MED12L: variants seen among roughly 807,000 people sequenced by gnomAD.
MED12L encodes mediator complex subunit 12L.
Under a neutral mutation model 281.3 loss-of-function variants are expected in MED12L, and 60 were observed. The ratio of observed to expected loss-of-function variants is 0.21; its 90% CI spans 0.17 to 0.26. The LOEUF (loss-of-function observed/expected upper bound fraction) is 0.26. MED12L is among the 10% of genes least tolerant of loss of function. The pLI is 1.00. For missense variants in MED12L, 2,146 were observed against 2,680.9 expected, an observed-to-expected ratio of 0.80 and a Z score of 4.41; for synonymous variants, 974 against 987.2, an observed-to-expected ratio of 0.99 and a Z score of 0.25.
intron 16 of MED12L, among the ~76,000 whole-genome samples, chr3:151,235,379 A>G (rs1732524809): frequency 6.6e-6 from 1 of 152,146 alleles, no homozygotes; most frequent in African/African-American, 2.4e-5. Context: ...TATTCCCTAT[A>G]GTGGGGTTGA....
At chr3:151,126,526 A>G (rs1261877676) in intron 4 of MED12L, among the ~76,000 whole-genome samples, 1 of 152,240 alleles carries the variant, frequency 6.6e-6, no homozygotes, top group African/African-American at 2.4e-5. Flanking sequence ...TGAATGGTCA[A>G]ATTTGTGACA....
chr3:151,141,201 G>GTTTTTT (rs1716973453), intron 5 of MED12L, among the ~76,000 whole-genome samples: 2 of 58,318 alleles, frequency 3.4e-5, no homozygotes, highest in Non-Finnish European at 6.4e-5. Flanking sequence ...TTTTTTTTTT[G>GTTTTTT]TTAGTAGAGA....
intron 16 of MED12L, among the ~76,000 whole-genome samples, chr3:151,285,210 C>G (rs531231148): frequency 6.6e-6 from 1 of 152,074 alleles, no homozygotes. Flanking sequence ...ACTGGCCGGA[C>G]GTGGTGGCTC....
At chr3:151,241,964 G>C (rs1365532360) in intron 16 of MED12L, 1 of 153,290 alleles carries the variant, frequency 6.5e-6, no homozygotes, top group Non-Finnish European at 1.5e-5. Context: ...CACTTGGGAA[G>C]CACAAGGGGT....
chr3:151,222,229 G>A (rs752379198), intron 16 of MED12L, among the ~76,000 whole-genome samples: 16 of 152,202 alleles, frequency 1.1e-4, no homozygotes, highest in Non-Finnish European at 1.6e-4. Flanking sequence ...GCTCATAGGC[G>A]GAAGGGACTT....
intron 1 of MED12L, among the ~76,000 whole-genome samples, chr3:151,086,155 G>A (rs1328536074): frequency 6.6e-6 from 1 of 152,128 alleles, no homozygotes; most frequent in African/African-American, 2.4e-5. Flanking sequence ...GCGACCGCCA[G>A]CAGCGCGCCT....
At chr3:151,354,300 G>C (rs954381186) in intron 17 of MED12L, among the ~76,000 whole-genome samples, 1 of 151,992 alleles carries the variant, frequency 6.6e-6, no homozygotes, top group Non-Finnish European at 1.5e-5. Flanking sequence ...TTTATTGTTA[G>C]AACAGTTAAG....
chr3:151,116,448 GTTAT>G lies in MED12L; in HGVS notation c.204+9_204+12del. 1 of 1,589,270 alleles carries G rather than the reference GTTAT, an allele frequency of 6.3e-7. No homozygotes were observed. Among genetic ancestry groups the G allele is most frequent in the Non-Finnish European group, 8.6e-7 (1 of 1,159,008 alleles). On this transcript the variant is annotated splice_region_variant and intron_variant, in intron 3 of 44. Coordinates refer to ENST00000687756, the MANE Select transcript of MED12L (RefSeq NM_001393769.1). ...TTGTAATTAACCCATCAAAGGTAATGTTATTTGTTTGTTTCCTCAAACTCCTGAA... is the reference window on the plus strand; with the variant it reads ...TTGTAATTAACCCATCAAAGGTAATGTTGTTTGTTTCCTCAAACTCCTGAA...
intron 16 of MED12L, among the ~76,000 whole-genome samples, chr3:151,287,028 T>G (rs1743600558): frequency 6.6e-6 from 1 of 152,206 alleles, no homozygotes; most frequent in South Asian, 2.1e-4. Context: ...ATGCTAGTAC[T>G]TCCTTATGGG....
chr3:151,136,322 T>C (rs1716136298), intron 5 of MED12L, among the ~76,000 whole-genome samples: 1 of 152,268 alleles, frequency 6.6e-6, no homozygotes, highest in Admixed American at 6.5e-5. Flanking sequence ...CATTGCATAC[T>C]AACTTTTTTG....
In MED12L at chr3:151,409,278, G is replaced by A. The variant is rs766867009; in HGVS notation, c.5856G>A (p.Ala1952=). 29 of 1,611,378 alleles carry A rather than the reference G, an allele frequency of 1.8e-5. No homozygotes were observed. In the Middle Eastern group the frequency reaches 6.7e-4, roughly 37 times the overall value. Residue 1952 remains alanine (A), a synonymous_variant, in exon 40 of 45, where the codon GCG becomes GCA. Coordinates refer to ENST00000687756, the MANE Select transcript of MED12L (RefSeq NM_001393769.1). ...GGGACCAGGCTGCTCTCTTTGCTGC[G>A]CAAGCACGGCCCTCCCCTCAGCTCC... ...QPGDQAALFA[A]QARPSPQLPQ...
chr3:151,319,273 A>T (rs66524723), intron 16 of MED12L, among the ~76,000 whole-genome samples: 2 of 151,808 alleles, frequency 1.3e-5, no homozygotes, highest in African/African-American at 4.8e-5. Flanking sequence ...AACCAGCATA[A>T]TTTTTTTCCT....
At chr3:151,264,142 T>G (rs576873245) in intron 16 of MED12L, among the ~76,000 whole-genome samples, 22 of 152,264 alleles carry the variant, frequency 1.4e-4, no homozygotes, top group Non-Finnish European at 2.4e-4. Context: ...GTTATTTCAT[T>G]GTTCAGTGTT....
At chr3:151,395,603 T>A (rs1376006060) in intron 39 of MED12L, among the ~76,000 whole-genome samples, 2 of 152,198 alleles carry the variant, frequency 1.3e-5, no homozygotes, top group South Asian at 2.1e-4. Flanking sequence ...TTTTCTAGCT[T>A]TTCTAAAATG....
intron 8 of MED12L, among the ~76,000 whole-genome samples, chr3:151,162,072 T>G (rs1465684969): frequency 6.6e-6 from 1 of 152,192 alleles, no homozygotes; most frequent in Non-Finnish European, 1.5e-5. Flanking sequence ...TGGATAAAGA[T>G]GGCAGCTGAG....
At chr3:151,262,225 A>G (rs1229873406) in intron 16 of MED12L, among the ~76,000 whole-genome samples, 4 of 152,240 alleles carry the variant, frequency 2.6e-5, no homozygotes, top group South Asian at 4.1e-4. Context: ...TAAAGGAAAC[A>G]TTTTGGTTTC....
At position 151,100,171 on chromosome 3, in the gene MED12L, C is replaced by T. The variant is rs530308028; in HGVS notation, c.99+13146C>T. On this transcript the variant is annotated intron_variant, in intron 2 of 44. Transcript: ENST00000687756. ...TCTTCTTCTTAGAAAGGAGAGGAGA[C>T]GGAATTGACACAGGGCTCCCCACTT... 5.3e-5 allele frequency among the ~76,000 whole-genome samples: 8 copies of T among 152,268 alleles called. No individual in the cohort carries two copies. In the South Asian group the frequency reaches 8.3e-4, roughly 16 times the overall value.
chr3:151,256,820 T>G (rs1376648147), intron 16 of MED12L, among the ~76,000 whole-genome samples: 1 of 151,886 alleles, frequency 6.6e-6, no homozygotes, highest in Non-Finnish European at 1.5e-5. Context: ...AGTCTGTTTT[T>G]TTTTTTTTCT....
intron 11 of MED12L, among the ~76,000 whole-genome samples, chr3:151,184,724 C>T (rs1342021543): frequency 6.6e-6 from 1 of 152,174 alleles, no homozygotes; most frequent in African/African-American, 2.4e-5. Flanking sequence ...CGGCTGCTGT[C>T]CTTGGTTGAC....
Sources: allele counts gnomAD v4.1 joint callset (sites outside exome capture counted in the v4.1 genomes callset), GRCh38; gene constraint gnomAD v4.1.1; transcripts MANE v1.5; gene names NCBI Gene and HGNC (gene_info 2026-07-23, HGNC 2026-07-21).